Variants in ZMAT4 observed in about 807,000 individuals in gnomAD.
ZMAT4 encodes zinc finger matrin-type protein 4.
Under a neutral mutation model 28.7 loss-of-function variants are expected in ZMAT4, and 17 were observed. The observed-to-expected ratio is 0.59, with a 90% CI of 0.41 to 0.89. ZMAT4 has a LOEUF of 0.89. Among genes scored for constraint, ZMAT4 ranks in the 40% least tolerant of loss-of-function variants. The probability of loss-of-function intolerance (pLI) is 0.00; values close to 1 mark genes in which losing one functional copy is unlikely to be tolerated. For synonymous variants in ZMAT4, 117 were observed against 109.2 expected (o/e 1.07, Z -0.44); for missense variants, 240 against 283.8 (o/e 0.85, Z 1.11).
intron 1 of ZMAT4, among the ~76,000 whole-genome samples, chr8:40,876,803 G>A (rs1318068488): frequency 1.3e-5 from 2 of 152,120 alleles, no homozygotes; most frequent in African/African-American, 4.8e-5. Context: ...ATGTATTTTC[G>A]ACTGTGCAAG....
At chr8:40,814,745 A>G (rs1233852369) in intron 2 of ZMAT4, among the ~76,000 whole-genome samples, 1 of 152,252 alleles carries the variant, frequency 6.6e-6, no homozygotes, top group African/African-American at 2.4e-5. Flanking sequence ...TCATCTGAGA[A>G]TTAGGTAGCT....
chr8:40,674,052 A>G (rs1348260689), intron 5 of ZMAT4, among the ~76,000 whole-genome samples: 1 of 150,534 alleles, frequency 6.6e-6, no homozygotes, highest in East Asian at 1.9e-4. Context: ...GTTTAAGGTA[A>G]GATAATACTA....
At chr8:40,755,327 T>C (rs1197097658) in intron 3 of ZMAT4, among the ~76,000 whole-genome samples, 1 of 152,200 alleles carries the variant, frequency 6.6e-6, no homozygotes, top group African/African-American at 2.4e-5. Flanking sequence ...TTCTGGGATA[T>C]ACCATCCCTG....
At chr8:40,616,394 G>C (rs560590466) in intron 5 of ZMAT4, among the ~76,000 whole-genome samples, 15 of 152,112 alleles carry the variant, frequency 9.9e-5, no homozygotes, top group Non-Finnish European at 1.9e-4. Context: ...GGGTATATAC[G>C]CAAAGGATTA....
At position 40,531,540 on chromosome 8, in the gene ZMAT4, T is replaced by C. The variant is rs1164203463; in HGVS notation, c.*683A>G. The C allele has an allele frequency of 6.6e-6, 1 of 152,632 alleles. No individual in the cohort carries two copies. Among genetic ancestry groups the C allele is most frequent in the Non-Finnish European group, 1.5e-5 (1 of 68,036 alleles). 9.5% of individuals were successfully genotyped at this position (152,632 alleles called of 1,614,324 possible). A position where few individuals can be genotyped will look rare whatever the true frequency, so the allele number is the denominator to read the frequency against. On this transcript the variant is annotated 3_prime_UTR_variant, in exon 7 of 7. Coordinates refer to ENST00000297737, the MANE Select transcript of ZMAT4 (RefSeq NM_024645.3). ...CATCATGCAGGCAGACTAATTCTTT[T>C]CCTAAGCTATTATTTGGCAACTTGC...
At chr8:40,820,800 T>TGTGC (rs1441187569) in intron 2 of ZMAT4, among the ~76,000 whole-genome samples, 854 of 150,858 alleles carry the variant, frequency 5.7e-3, no homozygotes, top group Admixed American at 8.7e-3. Flanking sequence ...TGTGTGTGTA[T>TGTGC]ATATGTGTGG....
intron 1 of ZMAT4, among the ~76,000 whole-genome samples, chr8:40,878,182 T>C (rs995432934): frequency 1.3e-5 from 2 of 152,142 alleles, no homozygotes; most frequent in Non-Finnish European, 2.9e-5. Context: ...CCGTCAATCA[T>C]GAAAGCCAGT....
chr8:40,538,933 C>T (rs569856830), intron 6 of ZMAT4, among the ~76,000 whole-genome samples: 1 of 152,050 alleles, frequency 6.6e-6, no homozygotes, highest in African/African-American at 2.4e-5. Context: ...TTACAGGCAC[C>T]CGCCACCACA....
intron 5 of ZMAT4, among the ~76,000 whole-genome samples, chr8:40,603,043 G>A (rs972349177): frequency 6.6e-6 from 1 of 152,154 alleles, no homozygotes; most frequent in Admixed American, 6.5e-5. Flanking sequence ...ATGGTTTCAG[G>A]TCTTAGATTT....
intron 1 of ZMAT4, among the ~76,000 whole-genome samples, chr8:40,878,073 G>A (rs928797769): frequency 6.6e-6 from 1 of 152,202 alleles, no homozygotes; most frequent in Non-Finnish European, 1.5e-5. Context: ...GAATTTTCAA[G>A]CCTTAAAAAA....
At position 40,897,821 on chromosome 8, in the gene ZMAT4, A is replaced by T. The variant is rs1245465903; in HGVS notation, c.-143T>A. On this transcript the variant is annotated 5_prime_UTR_variant, in exon 1 of 7. Coordinates refer to ENST00000297737, the MANE Select transcript of ZMAT4 (RefSeq NM_024645.3). ...ACCAGACCTTTCGGCAGCTCGGACC[A>T]ACTGTGCTAGCGATGCACTTAGCAA... 1 of 152,302 alleles carries T rather than the reference A, an allele frequency of 6.6e-6. No individual in the cohort carries two copies. The highest frequency in any genetic ancestry group is 2.4e-5 in the African/African-American group (1 of 41,456). 9.4% of individuals were successfully genotyped at this position (152,302 alleles called of 1,614,324 possible).
At chr8:40,671,817 A>T (rs1010545584) in intron 5 of ZMAT4, among the ~76,000 whole-genome samples, 4 of 152,186 alleles carry the variant, frequency 2.6e-5, no homozygotes, top group Non-Finnish European at 5.9e-5. Context: ...GCATCATTTT[A>T]AAAAATTAAA....
chr8:40,776,925 C>CTT (rs36090424), intron 2 of ZMAT4, among the ~76,000 whole-genome samples: 1 of 141,338 alleles, frequency 7.1e-6, no homozygotes, highest in Non-Finnish European at 1.6e-5. Flanking sequence ...CGATTTCTTT[C>CTT]TTTTTTTTTT....
intron 5 of ZMAT4, among the ~76,000 whole-genome samples, chr8:40,643,445 G>A (rs769939900): frequency 1.3e-5 from 2 of 152,068 alleles, no homozygotes; most frequent in African/African-American, 2.4e-5. Flanking sequence ...TAGCATGGTG[G>A]GGAATATCCC....
At chr8:40,604,174 G>A (rs1395675025) in intron 5 of ZMAT4, among the ~76,000 whole-genome samples, 1 of 152,160 alleles carries the variant, frequency 6.6e-6, no homozygotes, top group African/African-American at 2.4e-5. Context: ...AACAGTGACA[G>A]TTTGACTTCC....
intron 2 of ZMAT4, among the ~76,000 whole-genome samples, chr8:40,802,832 C>T (rs2150588768): frequency 6.6e-6 from 1 of 152,256 alleles, no homozygotes; most frequent in East Asian, 1.9e-4. Flanking sequence ...TGCTACAAAT[C>T]TACAGTAATA....
chr8:40,747,529 C>CT (rs5891119), intron 3 of ZMAT4, among the ~76,000 whole-genome samples: 68,672 of 150,894 alleles, frequency 0.46, 15,919 homozygotes, highest in East Asian at 0.66. Context: ...TCTCTTTCCC[C>CT]TTTTTTTTGC....
chr8:40,634,383 G>A (rs1346848992), intron 5 of ZMAT4, among the ~76,000 whole-genome samples: 2 of 152,088 alleles, frequency 1.3e-5, no homozygotes, highest in African/African-American at 4.8e-5. Context: ...TGAATCTGAG[G>A]CTTTTATTAC....
intron 4 of ZMAT4, among the ~76,000 whole-genome samples, chr8:40,676,186 G>A (rs1172907433): frequency 6.6e-6 from 1 of 152,094 alleles, no homozygotes. Context: ...GGGAAAAACA[G>A]GACTAAAATG....
Sources: gnomAD v4.1 joint callset for allele counts (sites outside exome capture counted in the v4.1 genomes callset) on GRCh38, gnomAD v4.1.1 for gene constraint, MANE v1.5 for transcripts, NCBI Gene and HGNC (gene_info 2026-07-23, HGNC 2026-07-21) for gene names.